The following DDX3X variants were observed in gnomAD, a reference collection of about 807,000 sequenced individuals.
DDX3X encodes ATP-dependent RNA helicase DDX3X.
In DDX3X, 4 loss-of-function variants were observed where a neutral mutation model predicts 52.7. That is an observed-to-expected ratio of 0.08 (90% CI 0.04 to 0.17). DDX3X has a LOEUF of 0.17. DDX3X is among the 10% of genes least tolerant of loss of function. DDX3X has a pLI of 1.00. For synonymous variants in DDX3X, 192 were observed against 178.1 expected, an observed-to-expected ratio of 1.08 and a Z score of -0.62; for missense variants, 222 against 548.6, an observed-to-expected ratio of 0.40 and a Z score of 5.95.
chrX:41,333,868 GCGAGATCT>G (rs2063713326), upstream of DDX3X: 1 of 154,839 alleles, frequency 6.5e-6, no homozygotes, highest in Non-Finnish European at 1.3e-5. Flanking sequence ...GCAAGTTCTC[GCGAGATCT>G]CGAGAACTCC....
chrX:41,334,851 G>T lies in DDX3X; in HGVS notation c.45+554G>T, dbSNP rs975549805. On this transcript the variant is annotated intron_variant, in intron 1 of 16. Coordinates refer to ENST00000644876, the MANE Select transcript of DDX3X (RefSeq NM_001356.5). ...CGGCCTCTTTTGTGTGGTGCTGGGC[G>T]GCGCTGTGGCTCACCTCCGGGAGAC... The T allele has an allele frequency of 4.7e-5, 33 of 707,203 alleles. No individual in the cohort carries two copies. In the African/African-American group the frequency reaches 7.2e-4, roughly 15 times the overall value. 58.3% of individuals were successfully genotyped at this position (707,203 alleles called of 1,213,427 possible).
At chrX:41,334,784 A>T in intron 1 of DDX3X, 1 of 937,226 alleles carries the variant, frequency 1.1e-6, no homozygotes, top group Non-Finnish European at 1.4e-6. Context: ...AACGCGGCCC[A>T]GGAATGTGGG....
In DDX3X at chrX:41,345,561, A is replaced by G. The variant is rs1177433387; in HGVS notation, c.1315+13A>G. 3 of 1,181,414 alleles carry G rather than the reference A, an allele frequency of 2.5e-6. No homozygotes were observed. The highest frequency in any genetic ancestry group is 4.7e-5 in the Admixed American group (2 of 42,213). The stretch of plus-strand genomic sequence containing the variant: ...CTAAATGCAACAGGTAACATTATGA[A>G]TTTTTTATTTTATTAGACATGGGGG... On this transcript the variant is annotated intron_variant, in intron 12 of 16. Coordinates refer to ENST00000644876, the MANE Select transcript of DDX3X (RefSeq NM_001356.5).
chrX:41,337,144 T>A (rs1227634837), intron 1 of DDX3X, among the ~76,000 whole-genome samples: 1 of 112,314 alleles, frequency 8.9e-6, no homozygotes, highest in East Asian at 2.8e-4. Flanking sequence ...ATGAATTAAA[T>A]TTGGACAGTT....
intron 8 of DDX3X, 100 bp from the exon 9 acceptor site, chrX:41,343,930 G>A (rs751362480): frequency 1.0e-6 from 1 of 996,177 alleles, no homozygotes; most frequent in African/African-American, 1.9e-5. Flanking sequence ...CAGTTTTCAA[G>A]TGTAATCTGT....
chrX:41,341,213 G>T, intron 3 of DDX3X: 1 of 243,849 alleles, frequency 4.1e-6, no homozygotes, highest in Non-Finnish European at 7.3e-6. Context: ...TCGAACTCCT[G>T]ACCTCAGGTG....
rs752535289 is a variant in DDX3X, at chrX:41,337,428, C to CTCTTCA, written c.67_72dup (p.Ser23_Ser24dup). On this transcript the variant is annotated inframe_insertion, in exon 2 of 17. Coordinates refer to ENST00000644876, the MANE Select transcript of DDX3X (RefSeq NM_001356.5). ...TCTAGTTTGCTGGCCTAGACCTGAACTCTTCAGATAATCAGAGTGGAGGAA... is the reference window on the plus strand; with the variant it reads ...TCTAGTTTGCTGGCCTAGACCTGAACTCTTCATCTTCAGATAATCAGAGTGGAGGAA... The CTCTTCA allele has an allele frequency of 8.3e-7, 1 of 1,208,002 alleles. No homozygotes were observed. Among genetic ancestry groups the CTCTTCA allele is most frequent in the African/African-American group, 1.8e-5 (1 of 57,078 alleles).
In DDX3X at chrX:41,343,839, A is replaced by G. The variant is rs1388466485; in HGVS notation, c.765+17A>G. The G allele has an allele frequency of 5.9e-6, 7 of 1,180,786 alleles. No individual in the cohort carries two copies. Among genetic ancestry groups the G allele is most frequent in the Non-Finnish European group, 8.0e-6 (7 of 871,225 alleles). On this transcript the variant is annotated intron_variant, in intron 8 of 16. Transcript: ENST00000644876. Reference sequence around the variant, plus strand: ...GCCATGAAGGTAGATGTTTCTTTATAAAATGGGAAATTGTAGAACTTTGTA... The same window carrying G: ...GCCATGAAGGTAGATGTTTCTTTATGAAATGGGAAATTGTAGAACTTTGTA...
chrX:41,358,065 CTTTTTTTT>C (rs59380932), intron 5 of DDX3X: 3 of 45,969 alleles, frequency 6.5e-5, no homozygotes, highest in Admixed American at 7.3e-4. Context: ...GATAGACACT[CTTTTTTTT>C]TTTTTTTTTT....
chrX:41,345,073 A>G lies in DDX3X; in HGVS notation c.1026-107A>G, dbSNP rs141850090. ...CCATCTTAATGAATATATAATTGTAATAACCTATACAATTGTATTTGTAAT... is the reference window on the plus strand; with the variant it reads ...CCATCTTAATGAATATATAATTGTAGTAACCTATACAATTGTATTTGTAAT... On this transcript the variant is annotated intron_variant, in intron 10 of 16. Transcript: ENST00000644876. 6.3e-4 allele frequency: 483 copies of G among 771,992 alleles called. 7 individuals carry two copies. In the East Asian group the frequency reaches 0.014, roughly 23 times the overall value. The allele number at this position is 771,992 out of a possible 1,213,427, so 63.6% of individuals were successfully genotyped here.
chrX:41,353,928 T>TA (rs1211343759), downstream of DDX3X, among the ~76,000 whole-genome samples: 1 of 111,620 alleles, frequency 9.0e-6, no homozygotes, highest in African/African-American at 3.3e-5. Flanking sequence ...AGAATGATCT[T>TA]AAGTATTTTG....
At chrX:41,341,407 A>G in intron 3 of DDX3X, 77 bp from the exon 4 acceptor site, 1 of 904,203 alleles carries the variant, frequency 1.1e-6, no homozygotes. Flanking sequence ...TTTCAAATTC[A>G]GAAAGATTGA....
intron 15 of DDX3X, 80 bp from the exon 16 acceptor site, chrX:41,347,232 A>C (rs2063937811): frequency 9.3e-7 from 1 of 1,076,925 alleles, no homozygotes; most frequent in South Asian, 2.1e-5. Context: ...GAAAAATTAG[A>C]AATTGGTCAT....
At chrX:41,355,628 C>T (rs1473439810) in intron 5 of DDX3X, among the ~76,000 whole-genome samples, 4 of 101,378 alleles carry the variant, frequency 3.9e-5, no homozygotes, top group Non-Finnish European at 5.9e-5. Context: ...CCACCATGCT[C>T]GGCTAATTTT....
chrX:41,352,106 CAA>C (rs1205723545), downstream of DDX3X, among the ~76,000 whole-genome samples: 1 of 109,022 alleles, frequency 9.2e-6, no homozygotes, highest in African/African-American at 3.3e-5. Flanking sequence ...CCTCAACTGA[CAA>C]ATGGATAAAC....
At chrX:41,337,612 T>C in intron 2 of DDX3X, 147 bp downstream of exon 2, 3 of 439,996 alleles carry the variant, frequency 6.8e-6, no homozygotes, top group Non-Finnish European at 1.1e-5. Context: ...AATTATGTAG[T>C]ACTTAGTGAT....
downstream of DDX3X, among the ~76,000 whole-genome samples, chrX:41,354,263 G>A (rs999740056): frequency 1.9e-5 from 2 of 107,554 alleles, no homozygotes; most frequent in Admixed American, 1.0e-4. Context: ...GTGTAGTTCT[G>A]TGCAGTTTTA....
At chrX:41,341,857 A>G (rs987175390) in intron 4 of DDX3X, 8 of 306,382 alleles carry the variant, frequency 2.6e-5, no homozygotes, top group Non-Finnish European at 4.5e-5. Context: ...TACTTAAAAG[A>G]GTAAGTTCAT....
intron 3 of DDX3X, chrX:41,340,787 A>G (rs974189327): frequency 1.0e-5 from 3 of 295,193 alleles, no homozygotes; most frequent in Non-Finnish European, 1.8e-5. Flanking sequence ...CTAAATGAAT[A>G]CCACCTCCAA....
Sources: gnomAD v4.1 joint callset for allele counts (sites outside exome capture counted in the v4.1 genomes callset) on GRCh38, gnomAD v4.1.1 for gene constraint, MANE v1.5 for transcripts, NCBI Gene and HGNC (gene_info 2026-07-23, HGNC 2026-07-21) for gene names.